The following COLEC10 variants were observed in gnomAD, a reference collection of about 807,000 sequenced individuals.
The protein encoded by COLEC10 is collectin-10.
In COLEC10, 22 loss-of-function variants were observed where a neutral mutation model predicts 28.4. That is an observed-to-expected ratio of 0.78 (90% confidence interval 0.55 to 1.11). COLEC10 has a LOEUF of 1.11. Ranked by LOEUF, COLEC10 falls within the 50% of genes least tolerant of loss-of-function variation. The probability of loss-of-function intolerance (pLI) is 0.00; values close to 1 mark genes in which losing one functional copy is unlikely to be tolerated. For missense variants in COLEC10, 361 were observed against 344.1 expected (o/e 1.05, Z -0.39); for synonymous variants, 125 against 116.1 (o/e 1.08, Z -0.49).
At chr8:118,997,309 T>G (rs894358820) in intron 1 of COLEC10, among the ~76,000 whole-genome samples, 5 of 147,704 alleles carry the variant, frequency 3.4e-5, no homozygotes, top group African/African-American at 1.3e-4. Flanking sequence ...CTGTTTAGTT[T>G]GATGTGGTTC....
At chr8:119,067,469 T>C in intron 1 of COLEC10, 40 bp downstream of exon 1, 4 of 1,587,430 alleles carry the variant, frequency 2.5e-6, no homozygotes, top group Non-Finnish European at 3.5e-6. Flanking sequence ...ATAATAAATA[T>C]GATATCTTCC....
In COLEC10 at chr8:119,106,109, T is replaced by G. The variant is rs1815937129; in HGVS notation, c.752T>G (p.Met251Arg). 1.2e-6 allele frequency: 2 copies of G among 1,613,856 alleles called. No individual in the cohort carries two copies. Among genetic ancestry groups the G allele is most frequent in the East Asian group, 2.2e-5 (1 of 44,868 alleles). The change falls in exon 6 of 6, where the codon ATG (methionine) becomes AGG (arginine). Residue 251 changes from methionine to arginine, a missense_variant. Coordinates refer to ENST00000332843, the MANE Select transcript of COLEC10 (RefSeq NM_006438.5). The stretch of plus-strand genomic sequence containing the variant: ...TATGGTCATGAGGACTGTGTGGAGA[T>G]GCTGAGCTCTGGCAGATGGAATGAC... ...DPYGHEDCVEMLSSGRWNDTE... is the reference protein window; with the variant it reads ...DPYGHEDCVERLSSGRWNDTE...
At chr8:119,087,831 A>G (rs1815511534) in intron 1 of COLEC10, among the ~76,000 whole-genome samples, 1 of 152,108 alleles carries the variant, frequency 6.6e-6, no homozygotes, top group Non-Finnish European at 1.5e-5. Context: ...TCATTTGACT[A>G]CTAAAAGCTC....
the COLEC10 span, among the ~76,000 whole-genome samples, chr8:118,954,253 T>C: frequency 2.0e-5 from 3 of 152,264 alleles, no homozygotes; most frequent in African/African-American, 7.2e-5. Flanking sequence ...ATAGACTGTG[T>C]ATTGATTGTG....
chr8:118,957,703 TTGTC>T, the COLEC10 span, among the ~76,000 whole-genome samples: 3 of 152,174 alleles, frequency 2.0e-5, no homozygotes, highest in Non-Finnish European at 4.4e-5. Context: ...CACTGGGTCA[TTGTC>T]TCCAGGACAA....
At chr8:118,954,743 G>C in the COLEC10 span, among the ~76,000 whole-genome samples, 1 of 152,194 alleles carries the variant, frequency 6.6e-6, no homozygotes, top group South Asian at 2.1e-4. Flanking sequence ...CCCAGTGACT[G>C]TCTACTGCCC....
At chr8:119,058,805 T>G (rs764626307) in intron 2 of COLEC10, among the ~76,000 whole-genome samples, 1 of 152,122 alleles carries the variant, frequency 6.6e-6, no homozygotes, top group Non-Finnish European at 1.5e-5. Flanking sequence ...TGGATTATGC[T>G]TTAAGTTTAT....
At chr8:119,069,718 C>A (rs971428844) in intron 1 of COLEC10, among the ~76,000 whole-genome samples, 2 of 143,798 alleles carry the variant, frequency 1.4e-5, no homozygotes, top group Non-Finnish European at 3.0e-5. Flanking sequence ...AACCCCTCCC[C>A]ACTCCAAAAT....
intron 1 of COLEC10, among the ~76,000 whole-genome samples, chr8:119,076,689 G>A (rs1587045451): frequency 6.6e-6 from 1 of 152,204 alleles, no homozygotes; most frequent in East Asian, 1.9e-4. Flanking sequence ...AGCATTGAGT[G>A]CAGTCAAAAA....
intron 2 of COLEC10, among the ~76,000 whole-genome samples, chr8:119,047,740 T>C (rs1814609623): frequency 6.6e-6 from 1 of 151,216 alleles, no homozygotes; most frequent in African/African-American, 2.4e-5. Flanking sequence ...ATGCCCTCTC[T>C]TATTAAAAAA....
upstream of COLEC10, among the ~76,000 whole-genome samples, chr8:118,994,818 T>A (rs920239547): frequency 2.6e-5 from 4 of 152,190 alleles, no homozygotes; most frequent in Non-Finnish European, 5.9e-5. Flanking sequence ...TTATTTTAAT[T>A]ATGCACATAC....
At chr8:118,984,380 C>A in the COLEC10 span, among the ~76,000 whole-genome samples, 2,483 of 152,066 alleles carry the variant, frequency 0.016, 65 homozygotes, top group African/African-American at 0.057. Flanking sequence ...ACAACTATTG[C>A]GTACTAGGCT....
chr8:119,005,628 T>C (rs975737623), intron 1 of COLEC10, among the ~76,000 whole-genome samples: 15 of 152,156 alleles, frequency 9.9e-5, no homozygotes, highest in African/African-American at 2.7e-4. Context: ...AATCCTTGAC[T>C]AAGGCCCAAT....
intron 2 of COLEC10, among the ~76,000 whole-genome samples, chr8:119,035,410 T>G (rs1046413252): frequency 6.6e-6 from 1 of 152,256 alleles, no homozygotes; most frequent in African/African-American, 2.4e-5. Flanking sequence ...CAAAAATGGC[T>G]GACCCTGCTG....
intron 2 of COLEC10, among the ~76,000 whole-genome samples, chr8:119,058,823 T>C (rs888546544): frequency 3.3e-5 from 5 of 152,138 alleles, no homozygotes; most frequent in Admixed American, 1.3e-4. Flanking sequence ...TATATTTAAC[T>C]TTTTAAGAAG....
chr8:119,042,239 C>G (rs1022345584), intron 2 of COLEC10, among the ~76,000 whole-genome samples: 6 of 151,978 alleles, frequency 3.9e-5, no homozygotes, highest in African/African-American at 1.5e-4. Context: ...CTCAGGTAAT[C>G]TTCCCGTTTC....
At chr8:119,056,383 C>T (rs35878777) in intron 2 of COLEC10, among the ~76,000 whole-genome samples, 12,120 of 152,024 alleles carry the variant, frequency 0.08, 586 homozygotes, top group Non-Finnish European at 0.11. Flanking sequence ...CAAAAGTTTT[C>T]TGGGAAAAAC....
At chr8:119,067,663 A>T (rs1304292461) in intron 1 of COLEC10, 4 of 423,308 alleles carry the variant, frequency 9.4e-6, no homozygotes, top group Non-Finnish European at 1.7e-5. Context: ...CGGAGATCTG[A>T]GGGAACTTAC....
chr8:118,997,849 G>A (rs1161010246), intron 1 of COLEC10, among the ~76,000 whole-genome samples: 2 of 152,178 alleles, frequency 1.3e-5, no homozygotes, highest in African/African-American at 4.8e-5. Context: ...TGCACCTGGA[G>A]CTTCTCAGTT....
Sources: gnomAD v4.1 joint callset for allele counts (sites outside exome capture counted in the v4.1 genomes callset) on GRCh38, gnomAD v4.1.1 for gene constraint, MANE v1.5 for transcripts, NCBI Gene and HGNC (gene_info 2026-07-23, HGNC 2026-07-21) for gene names.